ZC3H14: variants seen among roughly 807,000 people sequenced by gnomAD.
The protein encoded by ZC3H14 is zinc finger CCCH-type containing 14.
Under a neutral mutation model 92.4 loss-of-function variants are expected in ZC3H14, and 31 were observed. The observed-to-expected ratio is 0.34, with a 90% CI of 0.25 to 0.45. The LOEUF is 0.45. Ranked by LOEUF, ZC3H14 falls within the 20% of genes least tolerant of loss-of-function variation. The pLI is 1.00. For missense variants in ZC3H14, 781 were observed against 897.3 expected (o/e 0.87, Z 1.66); for synonymous variants, 321 against 300.9 (o/e 1.07, Z -0.69).
intron 9 of ZC3H14, among the ~76,000 whole-genome samples, chr14:88,578,613 C>T (rs1212461242): frequency 6.6e-6 from 1 of 151,950 alleles, no homozygotes; most frequent in East Asian, 1.9e-4. Context: ...TTTATTTCTG[C>T]ATTCTTTCTT....
At chr14:88,573,329 A>G (rs2080710793) in intron 6 of ZC3H14, among the ~76,000 whole-genome samples, 1 of 152,144 alleles carries the variant, frequency 6.6e-6, no homozygotes, top group Admixed American at 6.5e-5. Context: ...GCACTGAGCC[A>G]AGATCGTGCC....
rs995949897 is a variant in ZC3H14 at position 88,618,546 on chromosome 14, G to A, written c.*6795G>A. 7.4e-6 allele frequency: 10 copies of A among 1,350,694 alleles called. No homozygotes were observed. The African/African-American group carries it at 8.8e-5, about 12-fold the overall frequency. The allele number at this position is 1,350,694 out of a possible 1,614,324, so 83.7% of individuals were successfully genotyped here. On this transcript the variant is annotated 3_prime_UTR_variant, in exon 17 of 17. Coordinates refer to ENST00000251038, the MANE Select transcript of ZC3H14 (RefSeq NM_024824.5). ...GTCAGAAGGTACAAAGGGAGGAGTT[G>A]AGAAGCTGGAGCTCTGGAGCTCAGG...
In ZC3H14 at chr14:88,626,793, T is replaced by A. The variant is rs1408738599; in HGVS notation, c.*15042T>A. 1 of 1,592,852 alleles carries A rather than the reference T, an allele frequency of 6.3e-7. No individual in the cohort carries two copies. The highest frequency in any genetic ancestry group is 8.6e-7 in the Non-Finnish European group (1 of 1,165,354). ...TGGCTGATGATCTAAGGCAAGAGAA[T>A]GTAAAGTAGTCAAAGTCACACTATG... On this transcript the variant is annotated 3_prime_UTR_variant, in exon 17 of 17. Coordinates refer to ENST00000251038, the MANE Select transcript of ZC3H14 (RefSeq NM_024824.5).
chr14:88,602,178 G>A (rs1158834820), intron 11 of ZC3H14, 95 bp downstream of exon 11: 50 of 1,554,420 alleles, frequency 3.2e-5, no homozygotes, highest in East Asian at 6.8e-5. Flanking sequence ...CGCCCTAACC[G>A]CTAGCGTAGA....
At position 88,619,041 on chromosome 14, in the gene ZC3H14, C is replaced by G. The variant is rs1296230384; in HGVS notation, c.*7290C>G. On this transcript the variant is annotated 3_prime_UTR_variant, in exon 17 of 17. Transcript: ENST00000251038. ...AAATATTTCCCCAATTGTCATCTCC[C>G]AATTCCTTTAAAAACGTCTAATGGC... is the stretch of plus-strand genomic sequence containing the variant. 2.8e-6 allele frequency: 1 copy of G among 362,058 alleles called. No homozygotes were observed. The highest frequency in any genetic ancestry group is 4.8e-6 in the Non-Finnish European group (1 of 207,494). 22.4% of individuals were successfully genotyped at this position (362,058 alleles called of 1,614,324 possible). A position where few individuals can be genotyped will look rare whatever the true frequency, so the allele number is the denominator to read the frequency against.
chr14:88,611,633 C>A, intron 16 of ZC3H14, 112 bp from the exon 17 acceptor site: 1 of 1,292,284 alleles, frequency 7.7e-7, no homozygotes, highest in Non-Finnish European at 1.1e-6. Flanking sequence ...ATATTGTAAT[C>A]TTATGACCAA....
chr14:88,585,551 A>G (rs902166704), intron 9 of ZC3H14, among the ~76,000 whole-genome samples: 2 of 151,746 alleles, frequency 1.3e-5, no homozygotes, highest in African/African-American at 4.8e-5. Context: ...TAATTTTTGT[A>G]TTTTTAATAG....
intron 3 of ZC3H14, among the ~76,000 whole-genome samples, chr14:88,570,603 A>T (rs2139558997): frequency 6.6e-6 from 1 of 152,338 alleles, no homozygotes; most frequent in African/African-American, 2.4e-5. Flanking sequence ...ACTGTAAGCT[A>T]CAGTAAATCT....
In ZC3H14 at chr14:88,618,923, A is replaced by T; in HGVS notation, c.*7172A>T. 1 of 1,065,734 alleles carries T rather than the reference A, an allele frequency of 9.4e-7. No homozygotes were observed. Among genetic ancestry groups the T allele is most frequent in the Non-Finnish European group, 1.3e-6 (1 of 762,364 alleles). The allele number at this position is 1,065,734 out of a possible 1,614,324, so 66.0% of individuals were successfully genotyped here. On this transcript the variant is annotated 3_prime_UTR_variant, in exon 17 of 17. Transcript: ENST00000251038. ...TAAAAGTAACGTGTGATAAGGCCTC[A>T]AATAGATTTACCTGTCAGACACAAC... is the stretch of plus-strand genomic sequence containing the variant.
rs2087190121 is a variant in ZC3H14, at chr14:88,613,851, A to G, written c.*2100A>G. On this transcript the variant is annotated 3_prime_UTR_variant, in exon 17 of 17. Coordinates refer to ENST00000251038, the MANE Select transcript of ZC3H14 (RefSeq NM_024824.5). The stretch of plus-strand genomic sequence containing the variant: ...GGTTAAAAAAGTAAACATAGGGCAG[A>G]TTCTATATGGCCTATCATGTTTCTT... 1 of 152,210 alleles carries G rather than the reference A, an allele frequency of 6.6e-6. No individual in the cohort carries two copies. The highest frequency in any genetic ancestry group is 2.4e-5 in the African/African-American group (1 of 41,456). The allele number at this position is 152,210 out of a possible 1,614,324, so 9.4% of individuals were successfully genotyped here. A position where few individuals can be genotyped will look rare whatever the true frequency, so the allele number is the denominator to read the frequency against.
Position 88,575,910 on chromosome 14 carries a change from T to C in ZC3H14, c.1093T>C (p.Ser365Pro). 6.2e-7 allele frequency: 1 copy of C among 1,613,820 alleles called. No individual in the cohort carries two copies. Among genetic ancestry groups the C allele is most frequent in the Non-Finnish European group, 8.5e-7 (1 of 1,179,830 alleles). ...ILKAISEAQE[S>P]VTKTTNYSTV... is the part of the protein sequence containing the mutation. ...GAAGGCTATATCTGAAGCTCAAGAA[T>C]CCGTAACAAAAACAACTAACTACTC... Residue 365 changes from serine to proline, a missense_variant, in exon 8 of 17, where the codon TCC becomes CCC. Transcript: ENST00000251038.
At chr14:88,576,275 T>G (rs1234144146) in intron 8 of ZC3H14, among the ~76,000 whole-genome samples, 1 of 152,206 alleles carries the variant, frequency 6.6e-6, no homozygotes, top group Non-Finnish European at 1.5e-5. Flanking sequence ...TAGATATGAA[T>G]TTACGATGTG....
chr14:88,620,464 G>A lies in ZC3H14; in HGVS notation c.*8713G>A, dbSNP rs1436315323. 3.9e-6 allele frequency: 1 copy of A among 255,300 alleles called. No individual in the cohort carries two copies. Among genetic ancestry groups the A allele is most frequent in the East Asian group, 7.4e-5 (1 of 13,524 alleles). 15.8% of individuals were successfully genotyped at this position (255,300 alleles called of 1,614,324 possible). A position where few individuals can be genotyped will look rare whatever the true frequency, so the allele number is the denominator to read the frequency against. Reference sequence around the variant, plus strand: ...GCAGATAGCTCTCTTGTATTACAGTGGGAGATACCTCTTGGTGGGATGAAC... The same window carrying A: ...GCAGATAGCTCTCTTGTATTACAGTAGGAGATACCTCTTGGTGGGATGAAC... On this transcript the variant is annotated 3_prime_UTR_variant, in exon 17 of 17. Transcript: ENST00000251038. The surrounding 1 kb of genome is among the most constrained non-coding windows in gnomAD (Gnocchi z 4.3).
At chr14:88,594,436 G>A (rs375896204) in intron 9 of ZC3H14, 5 of 1,220,562 alleles carry the variant, frequency 4.1e-6, no homozygotes, top group East Asian at 9.2e-5. Flanking sequence ...ATGGTACTTA[G>A]AGGATGTAGG....
At chr14:88,594,127 A>G (rs1401533608) in intron 9 of ZC3H14, among the ~76,000 whole-genome samples, 1 of 152,010 alleles carries the variant, frequency 6.6e-6, no homozygotes, top group Non-Finnish European at 1.5e-5. Flanking sequence ...GTCACTCTCA[A>G]TAATGTTATA....
chr14:88,576,829 T>C (rs764799526), intron 8 of ZC3H14, among the ~76,000 whole-genome samples: 24 of 152,136 alleles, frequency 1.6e-4, no homozygotes, highest in Non-Finnish European at 3.2e-4. Context: ...CTTGCTCTGT[T>C]GCCCAGGCTG....
intron 7 of ZC3H14, 133 bp from the exon 8 acceptor site, chr14:88,575,707 T>C (rs916987257): frequency 2.9e-6 from 2 of 682,490 alleles, no homozygotes; most frequent in African/African-American, 3.7e-5. Flanking sequence ...TCCAGTGTAG[T>C]TGGCATTTTC....
chr14:88,618,496 G>A lies in ZC3H14; in HGVS notation c.*6745G>A. The A allele has an allele frequency of 9.1e-7, 1 of 1,095,644 alleles. No individual in the cohort carries two copies. The highest frequency in any genetic ancestry group is 1.3e-6 in the Non-Finnish European group (1 of 768,634). The allele number at this position is 1,095,644 out of a possible 1,614,324, so 67.9% of individuals were successfully genotyped here. ...CTTAATAGGAGAAAAGCTCTGATAA[G>A]TGGGGGAGGAAAGGGGAGCTGTAGG... On this transcript the variant is annotated 3_prime_UTR_variant, in exon 17 of 17. Transcript: ENST00000251038.
chr14:88,568,200 C>T, intron 3 of ZC3H14, 47 bp downstream of exon 3: 1 of 1,495,026 alleles, frequency 6.7e-7, no homozygotes, highest in Non-Finnish European at 9.3e-7. Flanking sequence ...TGGCACAAGC[C>T]TGAGTTGATA....
Sources: allele counts gnomAD v4.1 joint callset (sites outside exome capture counted in the v4.1 genomes callset), GRCh38; gene constraint gnomAD v4.1.1; non-coding constraint Gnocchi (gnomAD v3.1); transcripts MANE v1.5; gene names NCBI Gene and HGNC (gene_info 2026-07-23, HGNC 2026-07-21).